ZFAND4: variants seen among roughly 807,000 people sequenced by gnomAD.
ZFAND4 encodes AN1-type zinc finger protein 4.
In ZFAND4, 43 loss-of-function variants were observed where a neutral mutation model predicts 64.4. The observed-to-expected ratio is 0.67, with a 90% CI of 0.52 to 0.86. ZFAND4 has a LOEUF of 0.86. Ranked by LOEUF, ZFAND4 falls within the 40% of genes least tolerant of loss-of-function variation. ZFAND4 has a pLI of 0.00. For synonymous variants in ZFAND4, 296 were observed against 305.7 expected, an observed-to-expected ratio of 0.97 and a Z score of 0.33; for missense variants, 929 against 859.8, an observed-to-expected ratio of 1.08 and a Z score of -1.01.
At chr10:45,637,324 A>T (rs1251103339) in intron 6 of ZFAND4, among the ~76,000 whole-genome samples, 1 of 146,120 alleles carries the variant, frequency 6.8e-6, no homozygotes, top group Non-Finnish European at 1.5e-5. Flanking sequence ...CTGGAGACAC[A>T]GCAAGACTCC....
chr10:45,648,238 G>C (rs1418649562), intron 5 of ZFAND4, 56 bp downstream of exon 5: 1 of 1,466,572 alleles, frequency 6.8e-7, no homozygotes, highest in Admixed American at 2.4e-5. Context: ...CATGACATTT[G>C]TTAATATATA....
At chr10:45,666,728 T>C (rs773045069) in intron 1 of ZFAND4, among the ~76,000 whole-genome samples, 3 of 152,246 alleles carry the variant, frequency 2.0e-5, no homozygotes, top group Admixed American at 6.5e-5. Flanking sequence ...TTCTTTTGCA[T>C]GTGGATAACC....
At chr10:45,648,600 C>T in intron 4 of ZFAND4, 66 bp from the exon 5 acceptor site, 3 of 1,519,300 alleles carry the variant, frequency 2.0e-6, no homozygotes, top group South Asian at 2.6e-5. Flanking sequence ...GGTACAGTGA[C>T]AGGATATAAT....
chr10:45,632,297 G>T (rs947055323), intron 6 of ZFAND4, among the ~76,000 whole-genome samples: 6 of 152,330 alleles, frequency 3.9e-5, no homozygotes, highest in Admixed American at 3.9e-4. Flanking sequence ...GGCACAGGTT[G>T]CAGTGAGCCA....
chr10:45,650,821 T>C (rs1001111551), intron 4 of ZFAND4: 8 of 152,114 alleles, frequency 5.3e-5, no homozygotes, highest in African/African-American at 1.9e-4. Context: ...TTATAGTTAT[T>C]ACTATAAATG....
At chr10:45,617,536 G>A (rs2045074865) in intron 9 of ZFAND4, among the ~76,000 whole-genome samples, 2 of 150,538 alleles carry the variant, frequency 1.3e-5, no homozygotes, top group South Asian at 2.1e-4. Context: ...GCTGAGGCAG[G>A]GGGATCGCTT....
intron 1 of ZFAND4, among the ~76,000 whole-genome samples, chr10:45,667,898 G>A (rs1280525074): frequency 1.3e-5 from 2 of 152,204 alleles, no homozygotes; most frequent in Admixed American, 1.3e-4. Flanking sequence ...TAGGTATAAT[G>A]TTAACCGTGG....
intron 8 of ZFAND4, among the ~76,000 whole-genome samples, chr10:45,619,161 C>T (rs1002765807): frequency 2.0e-5 from 3 of 151,870 alleles, no homozygotes; most frequent in Admixed American, 6.6e-5. Flanking sequence ...GCCTCAGCCT[C>T]CCGAGTAGCT....
Position 45,626,294 on chromosome 10 carries a change from A to G in ZFAND4, c.1529T>C (p.Leu510Pro), listed in dbSNP as rs773363292. 1.2e-6 allele frequency: 2 copies of G among 1,614,110 alleles called. No homozygotes were observed. Among genetic ancestry groups the G allele is most frequent in the East Asian group, 4.5e-5 (2 of 44,906 alleles). The change falls in exon 7 of 10, where the codon CTG (leucine) becomes CCG (proline). Residue 510 changes from leucine (L) to proline (P), a missense_variant. Coordinates refer to ENST00000344646, the MANE Select transcript of ZFAND4 (RefSeq NM_174890.4). ...AGAATCAGTTATGTTTTGAACATCCAGTGACTGAGAAGAAGAAGGCTGTAG... is the reference window on the plus strand; with the variant it reads ...AGAATCAGTTATGTTTTGAACATCCGGTGACTGAGAAGAAGAAGGCTGTAG... ...GKLQPSSSQS[L>P]DVQNITDSSF...
At chr10:45,652,437 AT>A (rs2047818879) in intron 3 of ZFAND4, among the ~76,000 whole-genome samples, 1 of 152,222 alleles carries the variant, frequency 6.6e-6, no homozygotes, top group African/African-American at 2.4e-5. Context: ...TCTTACAGCT[AT>A]TCCACACTGC....
At chr10:45,618,817 T>C (rs2045197665) in intron 8 of ZFAND4, among the ~76,000 whole-genome samples, 1 of 152,174 alleles carries the variant, frequency 6.6e-6, no homozygotes. Flanking sequence ...AATAAGCACT[T>C]TAAGGTCAAC....
At chr10:45,653,153 C>A in intron 2 of ZFAND4, 94 bp from the exon 3 acceptor site, 1 of 951,520 alleles carries the variant, frequency 1.1e-6, no homozygotes, top group South Asian at 1.7e-5. Context: ...GAACTAAGAG[C>A]ACTAAAAAAT....
intron 6 of ZFAND4, among the ~76,000 whole-genome samples, chr10:45,633,117 A>T (rs1425550766): frequency 6.6e-6 from 1 of 152,098 alleles, no homozygotes. Flanking sequence ...ACTTTCTTAC[A>T]GCAAAAAGTA....
intron 5 of ZFAND4, among the ~76,000 whole-genome samples, chr10:45,643,443 G>T (rs1457339725): frequency 6.6e-6 from 1 of 151,306 alleles, no homozygotes; most frequent in East Asian, 2.0e-4. Flanking sequence ...GGCCGAGGTG[G>T]GCGGATCACC....
chr10:45,627,121 A>G lies in ZFAND4; in HGVS notation c.718-16T>C. On this transcript the variant is annotated splice_polypyrimidine_tract_variant and intron_variant, in intron 6 of 9. Transcript: ENST00000344646. ...CTTTCTTAGGCTAAAAGGAATGAATATACAGTTTCTTTACACAGTCGTTTT... is the reference window on the plus strand; with the variant it reads ...CTTTCTTAGGCTAAAAGGAATGAATGTACAGTTTCTTTACACAGTCGTTTT... 2.0e-6 allele frequency: 3 copies of G among 1,517,954 alleles called. No homozygotes were observed. Among genetic ancestry groups the G allele is most frequent in the Non-Finnish European group, 1.8e-6 (2 of 1,135,704 alleles). 94.0% of individuals were successfully genotyped at this position (1,517,954 alleles called of 1,614,324 possible). A position where few individuals can be genotyped will look rare whatever the true frequency, so the allele number is the denominator to read the frequency against.
chr10:45,652,537 C>T (rs773272890), intron 3 of ZFAND4, among the ~76,000 whole-genome samples: 27 of 152,022 alleles, frequency 1.8e-4, no homozygotes, highest in Non-Finnish European at 2.9e-4. Context: ...TCAGAAAGTA[C>T]GTTGGTAGTC....
At chr10:45,645,823 C>A (rs1317158610) in intron 5 of ZFAND4, among the ~76,000 whole-genome samples, 4 of 152,090 alleles carry the variant, frequency 2.6e-5, no homozygotes, top group Admixed American at 2.0e-4. Context: ...AAATAATGTT[C>A]TATTTCAAAA....
intron 5 of ZFAND4, among the ~76,000 whole-genome samples, chr10:45,644,385 C>T (rs1271732653): frequency 6.6e-6 from 1 of 152,172 alleles, no homozygotes; most frequent in African/African-American, 2.4e-5. Flanking sequence ...GCATTCATCA[C>T]AATATTCCCA....
intron 6 of ZFAND4, among the ~76,000 whole-genome samples, chr10:45,638,159 T>C (rs773250818): frequency 4.6e-5 from 7 of 151,990 alleles, no homozygotes; most frequent in African/African-American, 7.3e-5. Flanking sequence ...AACTCTCACG[T>C]TGCTGGGAAG....
Sources: gnomAD v4.1 joint callset for allele counts (sites outside exome capture counted in the v4.1 genomes callset) on GRCh38, gnomAD v4.1.1 for gene constraint, MANE v1.5 for transcripts, NCBI Gene and HGNC (gene_info 2026-07-23, HGNC 2026-07-21) for gene names.